ATXN10: variants seen among roughly 807,000 people sequenced by gnomAD.
ATXN10 encodes the protein ataxin-10.
In ATXN10, 28 loss-of-function variants were observed where a neutral mutation model predicts 52.9. The ratio of observed to expected loss-of-function variants is 0.53; its 90% CI spans 0.39 to 0.73. The LOEUF is 0.73. Ranked by LOEUF, ATXN10 falls within the 30% of genes least tolerant of loss-of-function variation. ATXN10 has a pLI of 0.00. For missense variants in ATXN10, 565 were observed against 577.0 expected, an observed-to-expected ratio of 0.98 and a Z score of 0.21; for synonymous variants, 226 against 221.5, an observed-to-expected ratio of 1.02 and a Z score of -0.18.
chr22:45,700,357 A>G lies in ATXN10; in HGVS notation c.467A>G (p.His156Arg), dbSNP rs747063252. The G allele has an allele frequency of 5.0e-6, 8 of 1,613,890 alleles. No homozygotes were observed. The highest frequency in any genetic ancestry group is 5.9e-6 in the Non-Finnish European group (7 of 1,179,802). ...NEDSQSIVWV[H>R]AFPELFLSCL... is the part of the protein sequence containing the mutation. ...GATTCCCAGTCTATTGTTTGGGTGCATGCTTTCCCAGAACTGTTTTTGTGA... is the reference window on the plus strand; with the variant it reads ...GATTCCCAGTCTATTGTTTGGGTGCGTGCTTTCCCAGAACTGTTTTTGTGA... Residue 156 changes from histidine (H) to arginine (R), a missense_variant, in exon 4 of 12, where the codon CAT becomes CGT. Transcript: ENST00000252934.
chr22:45,823,988 C>T lies in ATXN10; in HGVS notation c.1237+16966C>T, dbSNP rs542940052. On this transcript the variant is annotated intron_variant, in intron 10 of 11. Transcript: ENST00000252934. The surrounding 1 kb of genome is among the most constrained non-coding windows in gnomAD (Gnocchi z 4.9). ...TTGTGAGCTCCTTGAGAGCAAAGCA[C>T]ATCATGTTTACTTCTTCGTTTTTTG... 6.6e-6 allele frequency among the ~76,000 whole-genome samples: 1 copy of T among 152,334 alleles called. No individual in the cohort carries two copies. The highest frequency in any genetic ancestry group is 1.9e-4 in the East Asian group (1 of 5,184).
rs1414684701 is a variant in ATXN10 at position 45,787,542 on chromosome 22, T to C, written c.1174-19417T>C. Among the ~76,000 whole-genome samples the C allele has an allele frequency of 6.6e-6, 1 of 152,202 alleles. No homozygotes were observed. The highest frequency in any genetic ancestry group is 6.5e-5 in the Admixed American group (1 of 15,286). On this transcript the variant is annotated intron_variant, in intron 9 of 11. Transcript: ENST00000252934. This position sits in a 1 kb window ranked among gnomAD's most constrained non-coding sequence, Gnocchi z 4.2. ...TTTGACCTTCGGTACTCAGTAGACTTACTGTATGGGAAGGAATGCTGTCCA... is the reference window on the plus strand; with the variant it reads ...TTTGACCTTCGGTACTCAGTAGACTCACTGTATGGGAAGGAATGCTGTCCA...
chr22:45,740,783 T>G, intron 9 of ATXN10: 1 of 220,378 alleles, frequency 4.5e-6, no homozygotes, highest in Non-Finnish European at 8.8e-6. Context: ...TGTTAATATA[T>G]AGGCTCTTTG....
intron 6 of ATXN10, 83 bp from the exon 7 acceptor site, chr22:45,729,342 C>G: frequency 7.2e-7 from 1 of 1,388,584 alleles, no homozygotes; most frequent in African/African-American, 1.4e-5. Context: ...ATAATATTCC[C>G]TTAAAGTTGC....
intron 5 of ATXN10, among the ~76,000 whole-genome samples, chr22:45,716,296 A>G (rs1041000356): frequency 1.3e-5 from 2 of 151,160 alleles, no homozygotes; most frequent in Admixed American, 1.3e-4. Context: ...AGCGGCGCTT[A>G]GAGGAGAGCT....
At chr22:45,797,019 T>C (rs1927765925) in intron 9 of ATXN10, among the ~76,000 whole-genome samples, 1 of 152,190 alleles carries the variant, frequency 6.6e-6, no homozygotes, top group Non-Finnish European at 1.5e-5. Context: ...AAAGGGTCAG[T>C]TCATCAAGAA....
At chr22:45,796,621 C>A (rs1003035858) in intron 9 of ATXN10, among the ~76,000 whole-genome samples, 1 of 152,160 alleles carries the variant, frequency 6.6e-6, no homozygotes, top group Non-Finnish European at 1.5e-5. Context: ...CTCAGACCGG[C>A]CGACACTTAA....
Position 45,762,432 on chromosome 22 carries a change from G to A in ATXN10, c.1173+21894G>A, listed in dbSNP as rs1173208011. On this transcript the variant is annotated intron_variant, in intron 9 of 11. Coordinates refer to ENST00000252934, the MANE Select transcript of ATXN10 (RefSeq NM_013236.4). The surrounding 1 kb of genome is among the most constrained non-coding windows in gnomAD (Gnocchi z 4.3). The stretch of plus-strand genomic sequence containing the variant: ...CAGTCAGAAGCAGACCACAGCAGCA[G>A]GATTCTTTCCACGGTGCATGTTCTG... Among the ~76,000 whole-genome samples, 1 of 152,198 alleles carries A rather than the reference G, an allele frequency of 6.6e-6. No homozygotes were observed. The highest frequency in any genetic ancestry group is 1.5e-5 in the Non-Finnish European group (1 of 68,042).
At position 45,750,171 on chromosome 22, in the gene ATXN10, C is replaced by G. The variant is rs1366316435; in HGVS notation, c.1173+9633C>G. On this transcript the variant is annotated intron_variant, in intron 9 of 11. Transcript: ENST00000252934. This position sits in a 1 kb window ranked among gnomAD's most constrained non-coding sequence, Gnocchi z 4.2. ...AGGCTGGAGTGCAGTGGTGTGATCA[C>G]AGCTCACCGCAGTTCTGTGCTCAAG... Among the ~76,000 whole-genome samples the G allele has an allele frequency of 2.6e-5, 4 of 152,086 alleles. No homozygotes were observed. The highest frequency in any genetic ancestry group is 5.9e-5 in the Non-Finnish European group (4 of 68,014).
chr22:45,831,760 T>C (rs1480219468), intron 10 of ATXN10, among the ~76,000 whole-genome samples: 1 of 152,178 alleles, frequency 6.6e-6, no homozygotes, highest in Non-Finnish European at 1.5e-5. Context: ...ATCACTTTTC[T>C]GTACTATCGT....
At chr22:45,676,806 G>T (rs28617311) in intron 1 of ATXN10, 4,256 of 151,956 alleles carry the variant, frequency 0.028, 92 homozygotes, top group Non-Finnish European at 0.039. Context: ...TAGAGACAGG[G>T]TCTCACTCTG....
At chr22:45,713,713 A>G (rs1350529443) in intron 5 of ATXN10, among the ~76,000 whole-genome samples, 1 of 152,188 alleles carries the variant, frequency 6.6e-6, no homozygotes, top group Non-Finnish European at 1.5e-5. Context: ...GTTTACCCCC[A>G]GCCGTTTACC....
intron 9 of ATXN10, among the ~76,000 whole-genome samples, chr22:45,761,262 A>C (rs1191546692): frequency 6.6e-6 from 1 of 152,060 alleles, no homozygotes; most frequent in African/African-American, 2.4e-5. Context: ...CTGGGACTTT[A>C]ATGTTTTTAT....
intron 1 of ATXN10, chr22:45,680,045 C>T (rs1055772625): frequency 6.6e-6 from 1 of 152,184 alleles, no homozygotes; most frequent in African/African-American, 2.4e-5. Flanking sequence ...GGCTTGGTCA[C>T]TGGACTGTGG....
rs1922736874 is a variant in ATXN10 at position 45,677,330 on chromosome 22, T to C, written c.116+5151T>C. ...GCTTATCAGTTTCTTGTGGAGTTGC[T>C]GCTATTTCTATAACTTATTACTCAT... On this transcript the variant is annotated intron_variant, in intron 1 of 11. Transcript: ENST00000252934. The surrounding 1 kb of genome is among the most constrained non-coding windows in gnomAD (Gnocchi z 4.1). 1 of 152,202 alleles carries C rather than the reference T, an allele frequency of 6.6e-6. No homozygotes were observed. 9.4% of individuals were successfully genotyped at this position (152,202 alleles called of 1,614,324 possible). A position where few individuals can be genotyped will look rare whatever the true frequency, so the allele number is the denominator to read the frequency against.
chr22:45,695,057 G>T (rs1240117597), intron 3 of ATXN10, among the ~76,000 whole-genome samples: 1 of 151,612 alleles, frequency 6.6e-6, no homozygotes, highest in African/African-American at 2.4e-5. Context: ...TTGGCTGGGC[G>T]CAGTGGCTCA....
chr22:45,747,758 A>G (rs1362380492), intron 9 of ATXN10, among the ~76,000 whole-genome samples: 3 of 152,142 alleles, frequency 2.0e-5, no homozygotes, highest in Admixed American at 1.3e-4. Flanking sequence ...AAATAGGGGC[A>G]GTTACACCTC....
At chr22:45,704,209 A>C (rs1183064524) in intron 5 of ATXN10, 2 of 151,002 alleles carry the variant, frequency 1.3e-5, no homozygotes, top group African/African-American at 2.4e-5. Flanking sequence ...TAAATTTTGA[A>C]ATCAGGAAGT....
intron 3 of ATXN10, 97 bp from the exon 4 acceptor site, chr22:45,700,185 C>T (rs1923785558): frequency 1.1e-5 from 10 of 920,442 alleles, no homozygotes; most frequent in Middle Eastern, 3.4e-4. Context: ...CAAGCAGAAA[C>T]TTTCTGTTTA....
Sources: gnomAD v4.1 joint callset for allele counts (sites outside exome capture counted in the v4.1 genomes callset) on GRCh38, gnomAD v4.1.1 for gene constraint, Gnocchi (gnomAD v3.1) non-coding constraint, MANE v1.5 for transcripts, NCBI Gene and HGNC (gene_info 2026-07-23, HGNC 2026-07-21) for gene names.